The following ADGRG6 variants were observed in gnomAD, a reference collection of about 807,000 sequenced individuals.
ADGRG6 encodes adhesion G protein-coupled receptor G6.
ADGRG6 carries 84 observed loss-of-function variants against 142.4 expected under a neutral mutation model. The ratio of observed to expected loss-of-function variants is 0.59; its 90% CI spans 0.49 to 0.71. The LOEUF (loss-of-function observed/expected upper bound fraction) is 0.71. Ranked by LOEUF, ADGRG6 falls within the 30% of genes least tolerant of loss-of-function variation. The pLI is 0.00. For synonymous variants in ADGRG6, 521 were observed against 520.5 expected (o/e 1.00, Z -0.01); for missense variants, 1,367 against 1,466.6 (o/e 0.93, Z 1.11).
At chr6:142,342,705 A>G (rs1255390691) in intron 2 of ADGRG6, among the ~76,000 whole-genome samples, 3 of 152,074 alleles carry the variant, frequency 2.0e-5, no homozygotes, top group African/African-American at 7.2e-5. Flanking sequence ...AAAATTACCA[A>G]AAGTACGTAA....
In ADGRG6 at chr6:142,407,948, A is replaced by G. The variant is rs1038286608; in HGVS notation, c.2269-202A>G. On this transcript the variant is annotated intron_variant, in intron 15 of 24. Coordinates refer to ENST00000367609, the MANE Select transcript of ADGRG6 (RefSeq NM_198569.3). ...CTCAGTCTTACAATATTGGCTCCCAACATTCCCTCAATGTATTTATTATAA... is the reference window on the plus strand; with the variant it reads ...CTCAGTCTTACAATATTGGCTCCCAGCATTCCCTCAATGTATTTATTATAA... Among the ~76,000 whole-genome samples, 4 of 152,180 alleles carry G rather than the reference A, an allele frequency of 2.6e-5. No individual in the cohort carries two copies. In the South Asian group the frequency reaches 6.2e-4, roughly 24 times the overall value.
In ADGRG6 at chr6:142,309,575, C is replaced by T. The variant is rs1217873370; in HGVS notation, c.34C>T (p.His12Tyr). The change falls in exon 2 of 25, where the codon CAT becomes TAT. Residue 12 changes from histidine to tyrosine, a missense_variant. Transcript: ENST00000367609. Reference protein sequence around the residue: ...MFRSDRMWSCHWKWKPSPLLF... With the variant: ...MFRSDRMWSCYWKWKPSPLLF... ...TCGCTCAGATCGAATGTGGAGCTGC[C>T]ATTGGAAATGGAAGCCCAGTCCTCT... The T allele has an allele frequency of 2.7e-5, 44 of 1,609,558 alleles. No individual in the cohort carries two copies. The highest frequency in any genetic ancestry group is 3.5e-5 in the Non-Finnish European group (41 of 1,177,640).
chr6:142,323,255 A>G (rs932870232), intron 2 of ADGRG6, among the ~76,000 whole-genome samples: 1 of 152,082 alleles, frequency 6.6e-6, no homozygotes, highest in African/African-American at 2.4e-5. Context: ...ACATCTCATG[A>G]AAGTGAGAAT....
At chr6:142,379,187 C>A (rs1328116841) in intron 4 of ADGRG6, among the ~76,000 whole-genome samples, 1 of 152,168 alleles carries the variant, frequency 6.6e-6, no homozygotes, top group Non-Finnish European at 1.5e-5. Context: ...TTTATTAGAT[C>A]GATATGTACC....
At chr6:142,362,936 C>T (rs1199973501) in intron 2 of ADGRG6, among the ~76,000 whole-genome samples, 1 of 152,018 alleles carries the variant, frequency 6.6e-6, no homozygotes, top group African/African-American at 2.4e-5. Context: ...AACAAATGAG[C>T]TTTTCATGTG....
Position 142,443,357 on chromosome 6 carries a change from T to C in ADGRG6, c.3595T>C (p.Ser1199Pro), listed in dbSNP as rs758365152. 6.2e-7 allele frequency: 1 copy of C among 1,610,958 alleles called. No individual in the cohort carries two copies. Among genetic ancestry groups the C allele is most frequent in the Non-Finnish European group, 8.5e-7 (1 of 1,178,450 alleles). Reference sequence around the variant, plus strand: ...TGCAGACAGTGCTTCCATGGACAAGTCCTTGTCAAAACTGGCCCATGCTGA... The same window carrying C: ...TGCAGACAGTGCTTCCATGGACAAGCCCTTGTCAAAACTGGCCCATGCTGA... Reference protein sequence around the residue: ...SHTDSASMDKSLSKLAHADGD... With the variant: ...SHTDSASMDKPLSKLAHADGD... The change falls in exon 25 of 25, where the codon TCC becomes CCC. Residue 1199 changes from serine (S) to proline (P), a missense_variant. Transcript: ENST00000367609.
chr6:142,386,844 T>G (rs1782053330), intron 6 of ADGRG6, among the ~76,000 whole-genome samples: 2 of 151,816 alleles, frequency 1.3e-5, no homozygotes, highest in Non-Finnish European at 1.5e-5. Context: ...CAGGGCACAC[T>G]CACACACACC....
chr6:142,370,546 A>G lies in ADGRG6; in HGVS notation c.822A>G (p.Thr274=), dbSNP rs1781191201. The G allele has an allele frequency of 2.5e-6, 4 of 1,613,396 alleles. No individual in the cohort carries two copies. Among genetic ancestry groups the G allele is most frequent in the Non-Finnish European group, 3.4e-6 (4 of 1,179,420 alleles). Residue 274 remains threonine, a synonymous_variant, in exon 4 of 25, where the codon ACA becomes ACG. Transcript: ENST00000367609. ...IGVNFKRNYE[T]VPCDSTISKV... ...TAAATTTCAAAAGAAACTATGAAAC[A>G]GTTCCATGTGATTCTACCATTAGTA...
At chr6:142,317,205 G>A (rs143315993) in intron 2 of ADGRG6, among the ~76,000 whole-genome samples, 1 of 152,108 alleles carries the variant, frequency 6.6e-6, no homozygotes, top group African/African-American at 2.4e-5. Flanking sequence ...CATCTGACTG[G>A]CTTCCATGTC....
chr6:142,403,877 G>A lies in ADGRG6; in HGVS notation c.2031G>A (p.Arg677=), dbSNP rs2115024121. 6.2e-7 allele frequency: 1 copy of A among 1,609,620 alleles called. No homozygotes were observed. The highest frequency in any genetic ancestry group is 1.1e-5 in the South Asian group (1 of 90,810). Reference sequence around the variant, plus strand: ...CATCACATGTGAATATTACAACTCGGAACTTGGCTCTCAGCGTATCATCCC... The same window carrying A: ...CATCACATGTGAATATTACAACTCGAAACTTGGCTCTCAGCGTATCATCCC... The part of the protein sequence containing the change: ...NSTSHVNITT[R]NLALSVSSLL... The change falls in exon 14 of 25, where the codon CGG becomes CGA. Residue 677 remains arginine (R), a synonymous_variant. Coordinates refer to ENST00000367609, the MANE Select transcript of ADGRG6 (RefSeq NM_198569.3).
chr6:142,343,141 TA>T (rs1779740238), intron 2 of ADGRG6, among the ~76,000 whole-genome samples: 1 of 151,836 alleles, frequency 6.6e-6, no homozygotes, highest in African/African-American at 2.4e-5. Context: ...TTTTGACAAA[TA>T]TATAAAATAC....
At chr6:142,330,519 A>G (rs1303320858) in intron 2 of ADGRG6, among the ~76,000 whole-genome samples, 5 of 152,172 alleles carry the variant, frequency 3.3e-5, no homozygotes, top group African/African-American at 9.7e-5. Context: ...CTAACCCTCA[A>G]TGTAATATAC....
intron 4 of ADGRG6, among the ~76,000 whole-genome samples, chr6:142,372,604 C>G (rs921189396): frequency 6.6e-6 from 1 of 152,232 alleles, no homozygotes; most frequent in Non-Finnish European, 1.5e-5. Flanking sequence ...AACCACAACC[C>G]TGTTCCACAA....
In ADGRG6 at chr6:142,360,594, GT is replaced by G. The variant is rs556622754; in HGVS notation, c.104-6972del. ...GAATGGCTGGAATTAAAGCACCTCT[GT>G]TTCTCAAAAGTCTGGTTTTCTCTCA... On this transcript the variant is annotated intron_variant, in intron 2 of 24. Transcript: ENST00000367609. 9.5e-3 allele frequency among the ~76,000 whole-genome samples: 1,449 copies of G among 152,186 alleles called. 15 individuals carry two copies. The highest frequency in any genetic ancestry group is 0.016 in the Non-Finnish European group (1,061 of 67,978).
chr6:142,374,992 A>G (rs1353355940), intron 4 of ADGRG6, among the ~76,000 whole-genome samples: 3 of 152,146 alleles, frequency 2.0e-5, no homozygotes, highest in Non-Finnish European at 2.9e-5. Context: ...ATGTTGTACA[A>G]TAGATTTCTT....
intron 5 of ADGRG6, 71 bp downstream of exon 5, chr6:142,382,090 T>C (rs1056178603): frequency 2.3e-6 from 2 of 855,052 alleles, no homozygotes; most frequent in Admixed American, 2.5e-5. Context: ...GTGGTTGTCA[T>C]TGTTTTGATT....
intron 2 of ADGRG6, 68 bp downstream of exon 2, chr6:142,309,712 A>G: frequency 9.2e-6 from 9 of 974,854 alleles, no homozygotes; most frequent in Non-Finnish European, 1.3e-5. Flanking sequence ...TAAGCATGCT[A>G]CTTATTTATG....
chr6:142,349,454 T>G (rs1213086311), intron 2 of ADGRG6, among the ~76,000 whole-genome samples: 2 of 152,188 alleles, frequency 1.3e-5, no homozygotes, highest in Non-Finnish European at 2.9e-5. Context: ...TATCCCCCAC[T>G]TTGAGCAATC....
intron 2 of ADGRG6, among the ~76,000 whole-genome samples, chr6:142,346,778 G>GA (rs1193339802): frequency 7.1e-6 from 1 of 140,984 alleles, no homozygotes; most frequent in Non-Finnish European, 1.5e-5. Flanking sequence ...CACAGGAACA[G>GA]AAAACCAAAC....
Sources: allele counts gnomAD v4.1 joint callset (sites outside exome capture counted in the v4.1 genomes callset), GRCh38; gene constraint gnomAD v4.1.1; transcripts MANE v1.5; gene names NCBI Gene and HGNC (gene_info 2026-07-23, HGNC 2026-07-21).